The following DOCK5 variants were observed in gnomAD, a reference collection of about 807,000 sequenced individuals.
DOCK5 encodes the protein dedicator of cytokinesis protein 5.
Under a neutral mutation model 251.8 loss-of-function variants are expected in DOCK5, and 142 were observed. The observed-to-expected ratio is 0.56, with a 90% CI of 0.49 to 0.65. DOCK5 has a LOEUF of 0.65. Ranked by LOEUF, DOCK5 falls within the 30% of genes least tolerant of loss-of-function variation. DOCK5 has a pLI of 0.00. For missense variants in DOCK5, 2,111 were observed against 2,312.3 expected (o/e 0.91, Z 1.79); for synonymous variants, 842 against 835.5 (o/e 1.01, Z -0.13).
intron 30 of DOCK5, among the ~76,000 whole-genome samples, chr8:25,365,003 T>C (rs3817101): frequency 0.29 from 43,745 of 152,110 alleles, 6,858 homozygotes; most frequent in East Asian, 0.36. Context: ...GAGTTGACCC[T>C]TTGTATATTT....
At chr8:25,326,692 C>T (rs1805572910) in intron 18 of DOCK5, among the ~76,000 whole-genome samples, 1 of 152,176 alleles carries the variant, frequency 6.6e-6, no homozygotes, top group Non-Finnish European at 1.5e-5. Context: ...TAACTGTCTT[C>T]AGACCCTTTG....
At chr8:25,410,981 G>GCACGCA (rs1208955931) in intron 51 of DOCK5, among the ~76,000 whole-genome samples, 6 of 131,038 alleles carry the variant, frequency 4.6e-5, no homozygotes, top group African/African-American at 1.5e-4. Context: ...GTGCGCGCGC[G>GCACGCA]CGCACGCACG....
chr8:25,374,488 C>A, intron 36 of DOCK5, 76 bp from the exon 37 acceptor site: 1 of 1,363,826 alleles, frequency 7.3e-7, no homozygotes, highest in Non-Finnish European at 1.0e-6. Context: ...TACAGCAAGA[C>A]CCTGTCTCAA....
chr8:25,363,770 A>G (rs1486261523), intron 29 of DOCK5, among the ~76,000 whole-genome samples: 7 of 152,210 alleles, frequency 4.6e-5, no homozygotes, highest in Non-Finnish European at 8.8e-5. Context: ...CCCTGAACAC[A>G]TGGTCTGCTC....
intron 3 of DOCK5, among the ~76,000 whole-genome samples, chr8:25,274,462 CA>C (rs1425249014): frequency 3.3e-5 from 5 of 152,234 alleles, no homozygotes; most frequent in African/African-American, 4.8e-5. Flanking sequence ...CTTTGGTACA[CA>C]TAACACTCAC....
At chr8:25,269,570 A>G (rs1482221578) in intron 3 of DOCK5, among the ~76,000 whole-genome samples, 1 of 152,232 alleles carries the variant, frequency 6.6e-6, no homozygotes, top group African/African-American at 2.4e-5. Context: ...AGTTTGAAAA[A>G]TACTGACCTA....
chr8:25,384,430 AT>A lies in DOCK5; in HGVS notation c.4131+1656del, dbSNP rs1220220661. Among the ~76,000 whole-genome samples, 3 of 108,434 alleles carry A rather than the reference AT, an allele frequency of 2.8e-5. No homozygotes were observed. The South Asian group carries it at 1.0e-3, about 37-fold the overall frequency. The allele number at this position is 108,434 out of a possible 152,430, so 71.1% of individuals were successfully genotyped here. A position where few individuals can be genotyped will look rare whatever the true frequency, so the allele number is the denominator to read the frequency against. ...ATGTAGATTATGTCTTAATATTATTATTTTATTTATTTATTTATTTATTTAT... is the reference window on the plus strand; with the variant it reads ...ATGTAGATTATGTCTTAATATTATTATTTATTTATTTATTTATTTATTTAT... On this transcript the variant is annotated intron_variant, in intron 40 of 51. Transcript: ENST00000276440.
chr8:25,362,404 C>T (rs968205390), intron 28 of DOCK5, among the ~76,000 whole-genome samples: 24 of 151,682 alleles, frequency 1.6e-4, no homozygotes, highest in African/African-American at 5.3e-4. Flanking sequence ...AGTTCTCATC[C>T]AGCTCTTCTC....
At chr8:25,382,991 C>G (rs1375503266) in intron 40 of DOCK5, among the ~76,000 whole-genome samples, 2 of 152,110 alleles carry the variant, frequency 1.3e-5, no homozygotes, top group Non-Finnish European at 2.9e-5. Flanking sequence ...ATGACTTTTC[C>G]CAGGTGCAGT....
chr8:25,384,463 A>ATTTATTTATTTTT (rs1400363524), intron 40 of DOCK5, among the ~76,000 whole-genome samples: 1 of 135,690 alleles, frequency 7.4e-6, no homozygotes, highest in Non-Finnish European at 1.6e-5. Context: ...TTATTTATTT[A>ATTTATTTATTTTT]TTTTTTTTTT....
chr8:25,345,575 G>C lies in DOCK5; in HGVS notation c.2718G>C (p.Leu906=). ...KPDHEASSQL[L]SNILEVLDRK... ...ACCACGAGGCAAGCTCGCAGCTTCT[G>C]AGCAACATCCTGGAGGTGCTGGACA... is the stretch of plus-strand genomic sequence containing the variant. The change falls in exon 26 of 52, where the codon CTG becomes CTC. Residue 906 remains leucine, a synonymous_variant. Coordinates refer to ENST00000276440, the MANE Select transcript of DOCK5 (RefSeq NM_024940.8). 1 of 1,613,880 alleles carries C rather than the reference G, an allele frequency of 6.2e-7. No individual in the cohort carries two copies. Among genetic ancestry groups the C allele is most frequent in the Non-Finnish European group, 8.5e-7 (1 of 1,179,886 alleles).
In DOCK5 at chr8:25,331,230, G is replaced by GACACACACAC. The variant is rs60869427; in HGVS notation, c.1904-989_1904-980dup. On this transcript the variant is annotated intron_variant, in intron 18 of 51. Coordinates refer to ENST00000276440, the MANE Select transcript of DOCK5 (RefSeq NM_024940.8). ...GTCCAGATAACTGCAGTTTCTCTGT[G>GACACACACAC]ACACACACACACACACACACACACA... Among the ~76,000 whole-genome samples, 51 of 140,362 alleles carry GACACACACAC rather than the reference G, an allele frequency of 3.6e-4. 1 individual carries two copies. The highest frequency in any genetic ancestry group is 8.5e-4 in the East Asian group (4 of 4,710). The allele number at this position is 140,362 out of a possible 152,430, so 92.1% of individuals were successfully genotyped here.
intron 1 of DOCK5, among the ~76,000 whole-genome samples, chr8:25,214,654 A>T (rs6557825): frequency 6.6e-6 from 1 of 152,154 alleles, no homozygotes; most frequent in African/African-American, 2.4e-5. Context: ...TTAAAGTGTG[A>T]CTTAAATGCC....
At chr8:25,376,733 TA>T (rs1197516725) in intron 37 of DOCK5, 2 of 152,280 alleles carry the variant, frequency 1.3e-5, no homozygotes, top group Non-Finnish European at 2.9e-5. Context: ...TTTCTGCATA[TA>T]AGTCTTGCAT....
chr8:25,350,380 A>G (rs1481354229), intron 26 of DOCK5, among the ~76,000 whole-genome samples: 1 of 152,184 alleles, frequency 6.6e-6, no homozygotes, highest in Non-Finnish European at 1.5e-5. Context: ...AATGAGGGTA[A>G]TATCTAGCTA....
chr8:25,186,359 T>C (rs1232791503), intron 1 of DOCK5, among the ~76,000 whole-genome samples: 1 of 151,344 alleles, frequency 6.6e-6, no homozygotes, highest in African/African-American at 2.4e-5. Context: ...CTTTTTTTTT[T>C]TTTTTTTGGT....
At position 25,374,552 on chromosome 8, in the gene DOCK5, C is replaced by T. The variant is rs758735639; in HGVS notation, c.3726-12C>T. Reference sequence around the variant, plus strand: ...CGAGTGACAAAATGCTTCCTTCTCCCCTTCTTGCCAGATATCTGTACAAGC... The same window carrying T: ...CGAGTGACAAAATGCTTCCTTCTCCTCTTCTTGCCAGATATCTGTACAAGC... On this transcript the variant is annotated splice_polypyrimidine_tract_variant and intron_variant, in intron 36 of 51. Transcript: ENST00000276440. 5.0e-6 allele frequency: 8 copies of T among 1,593,228 alleles called. No individual in the cohort carries two copies. The African/African-American group carries it at 8.2e-5, about 16-fold the overall frequency.
chr8:25,389,816 C>A (rs183089287), intron 41 of DOCK5, among the ~76,000 whole-genome samples: 9 of 152,244 alleles, frequency 5.9e-5, no homozygotes, highest in Non-Finnish European at 8.8e-5. Context: ...GATAAACAGA[C>A]GGGATCCAAA....
At chr8:25,279,536 G>T (rs1467894427) in intron 5 of DOCK5, among the ~76,000 whole-genome samples, 1 of 151,160 alleles carries the variant, frequency 6.6e-6, no homozygotes, top group African/African-American at 2.4e-5. Context: ...GCGCTGTCCC[G>T]GCTCACTGCA....
Sources: allele counts gnomAD v4.1 joint callset (sites outside exome capture counted in the v4.1 genomes callset), GRCh38; gene constraint gnomAD v4.1.1; transcripts MANE v1.5; gene names NCBI Gene and HGNC (gene_info 2026-07-23, HGNC 2026-07-21).